Variants in CSMD1 observed in about 807,000 individuals in gnomAD.
CSMD1 encodes the protein CUB and Sushi multiple domains 1, also known as CUB and sushi domain-containing protein 1.
Under a neutral mutation model 417.5 loss-of-function variants are expected in CSMD1, and 213 were observed. That is an observed-to-expected ratio of 0.51 (90% CI 0.46 to 0.57). The LOEUF is 0.57. CSMD1 is among the 20% of genes least tolerant of loss of function. CSMD1 has a pLI of 0.00. For synonymous variants in CSMD1, 2,862 were observed against 1,736.8 expected (o/e 1.65, Z -16.11); for missense variants, 6,923 against 4,529.7 (o/e 1.53, Z -15.17).
At chr8:4,447,071 C>T (rs1304658816) in intron 2 of CSMD1, among the ~76,000 whole-genome samples, 2 of 152,050 alleles carry the variant, frequency 1.3e-5, no homozygotes, top group African/African-American at 4.8e-5. Flanking sequence ...CGAGCCTAGC[C>T]TCAGTTATGA....
At chr8:3,643,927 T>A (rs183753062) in intron 7 of CSMD1, among the ~76,000 whole-genome samples, 1 of 152,198 alleles carries the variant, frequency 6.6e-6, no homozygotes, top group African/African-American at 2.4e-5. Context: ...CTAAAGGGAT[T>A]TGTGTATTTA....
intron 3 of CSMD1, among the ~76,000 whole-genome samples, chr8:4,278,647 A>C (rs539051361): frequency 6.6e-6 from 1 of 152,322 alleles, no homozygotes; most frequent in African/African-American, 2.4e-5. Flanking sequence ...ATTCAACATA[A>C]AGTGTAGCTT....
intron 2 of CSMD1, among the ~76,000 whole-genome samples, chr8:4,600,857 G>T (rs1409766781): frequency 1.3e-5 from 2 of 151,906 alleles, no homozygotes; most frequent in African/African-American, 4.8e-5. Flanking sequence ...GACTTTAAAA[G>T]GTTTGCTTAT....
chr8:3,335,743 G>A (rs960302973), intron 23 of CSMD1, among the ~76,000 whole-genome samples: 5 of 152,188 alleles, frequency 3.3e-5, no homozygotes, highest in African/African-American at 1.2e-4. Context: ...TGTCACCTAA[G>A]AGTAGAGCAG....
intron 5 of CSMD1, among the ~76,000 whole-genome samples, chr8:3,798,167 T>A (rs1485418173): frequency 1.3e-5 from 2 of 152,074 alleles, no homozygotes; most frequent in African/African-American, 4.8e-5. Context: ...AGTCTTTTAT[T>A]AGATAAAACA....
At chr8:4,091,940 C>T (rs1055865168) in intron 3 of CSMD1, among the ~76,000 whole-genome samples, 3 of 152,122 alleles carry the variant, frequency 2.0e-5, no homozygotes, top group African/African-American at 7.2e-5. Flanking sequence ...TTAAAAATGT[C>T]ATTGAGGAAA....
At chr8:3,185,175 T>C (rs1049030886) in intron 36 of CSMD1, among the ~76,000 whole-genome samples, 1 of 152,222 alleles carries the variant, frequency 6.6e-6, no homozygotes, top group Non-Finnish European at 1.5e-5. Context: ...AGGGGAGTCC[T>C]GTGGAGAAGC....
intron 2 of CSMD1, among the ~76,000 whole-genome samples, chr8:4,569,639 T>C (rs755469793): frequency 6.6e-6 from 1 of 152,186 alleles, no homozygotes; most frequent in Non-Finnish European, 1.5e-5. Flanking sequence ...TCTTTTTTGG[T>C]TCCACATGAC....
intron 2 of CSMD1, among the ~76,000 whole-genome samples, chr8:4,571,858 G>T (rs1333417647): frequency 6.6e-6 from 1 of 152,102 alleles, no homozygotes; most frequent in Non-Finnish European, 1.5e-5. Flanking sequence ...TTCTTGCATT[G>T]ATCCCTTTAC....
At chr8:4,200,076 C>A (rs139191398) in intron 3 of CSMD1, among the ~76,000 whole-genome samples, 11 of 152,276 alleles carry the variant, frequency 7.2e-5, no homozygotes, top group African/African-American at 2.6e-4. Context: ...AAATCATCCT[C>A]TTTATATTTT....
intron 6 of CSMD1, among the ~76,000 whole-genome samples, chr8:3,712,690 G>C (rs936374492): frequency 3.3e-5 from 5 of 152,122 alleles, no homozygotes; most frequent in African/African-American, 7.2e-5. Context: ...CAGTTATCTA[G>C]TTTTCATATG....
At chr8:4,947,964 T>C (rs961709646) in intron 1 of CSMD1, among the ~76,000 whole-genome samples, 1 of 152,084 alleles carries the variant, frequency 6.6e-6, no homozygotes, top group Non-Finnish European at 1.5e-5. Context: ...TTTTCTTTTT[T>C]TAAGATATCC....
At chr8:4,848,400 T>C (rs532061725) in intron 1 of CSMD1, among the ~76,000 whole-genome samples, 1 of 152,206 alleles carries the variant, frequency 6.6e-6, no homozygotes, top group East Asian at 1.9e-4. Context: ...AAAATTCCTA[T>C]GAGCTAGTAA....
intron 5 of CSMD1, among the ~76,000 whole-genome samples, chr8:3,912,033 A>T (rs1287519784): frequency 6.6e-6 from 1 of 152,208 alleles, no homozygotes; most frequent in Non-Finnish European, 1.5e-5. Context: ...ACACATATGG[A>T]GTATATTTTC....
intron 2 of CSMD1, among the ~76,000 whole-genome samples, chr8:4,517,082 T>C (rs1237303073): frequency 6.6e-6 from 1 of 152,252 alleles, no homozygotes; most frequent in Non-Finnish European, 1.5e-5. Context: ...TGCAGAAATT[T>C]AAATTATGTT....
At chr8:3,277,434 A>T (rs958481646) in intron 26 of CSMD1, among the ~76,000 whole-genome samples, 1 of 152,270 alleles carries the variant, frequency 6.6e-6, no homozygotes, top group South Asian at 2.1e-4. Context: ...GCGTAGACCA[A>T]GGCGGCAGGG....
rs187060804 is a variant in CSMD1 at position 3,289,127 on chromosome 8, T to G, written c.3951-4781A>C. Among the ~76,000 whole-genome samples the G allele has an allele frequency of 1.5e-3, 225 of 147,632 alleles. 36 individuals carry two copies. Among genetic ancestry groups the G allele is most frequent in the African/African-American group, 5.7e-3 (211 of 37,326 alleles). On this transcript the variant is annotated intron_variant, in intron 25 of 69. Transcript: ENST00000635120. Reference sequence around the variant, plus strand: ...TTGCTGAGAATGATGGTTTCCAGCTTCATCCATGTCCCTACAAAGCACATG... The same window carrying G: ...TTGCTGAGAATGATGGTTTCCAGCTGCATCCATGTCCCTACAAAGCACATG...
chr8:4,150,633 A>G (rs1217556789), intron 3 of CSMD1, among the ~76,000 whole-genome samples: 1 of 152,214 alleles, frequency 6.6e-6, no homozygotes, highest in Non-Finnish European at 1.5e-5. Context: ...TGCAATTCCA[A>G]TATTCTTCCA....
intron 26 of CSMD1, among the ~76,000 whole-genome samples, chr8:3,241,472 G>T (rs922385631): frequency 6.6e-6 from 1 of 152,184 alleles, no homozygotes; most frequent in Non-Finnish European, 1.5e-5. Context: ...ATCTGGCAGT[G>T]TCAGTCTTCA....
Sources: gnomAD v4.1 joint callset for allele counts (sites outside exome capture counted in the v4.1 genomes callset) on GRCh38, gnomAD v4.1.1 for gene constraint, MANE v1.5 for transcripts, NCBI Gene and HGNC (gene_info 2026-07-23, HGNC 2026-07-21) for gene names.